NTM: variants seen among roughly 807,000 people sequenced by gnomAD.
NTM encodes neurotrimin.
In NTM, 13 loss-of-function variants were observed where a neutral mutation model predicts 42.1. That is an observed-to-expected ratio of 0.31 (90% CI 0.20 to 0.49). NTM has a LOEUF of 0.49. Among genes scored for constraint, NTM ranks in the 20% least tolerant of loss-of-function variants. The pLI, the probability that NTM is intolerant of heterozygous loss-of-function variation, is 0.99. For synonymous variants in NTM, 187 were observed against 179.2 expected (o/e 1.04, Z -0.35); for missense variants, 373 against 452.8 (o/e 0.82, Z 1.60).
chr11:131,441,119 T>C lies in NTM; in HGVS notation c.82+70231T>C, dbSNP rs979398334. 9.2e-5 allele frequency among the ~76,000 whole-genome samples: 14 copies of C among 152,318 alleles called. No homozygotes were observed. The South Asian group carries it at 2.9e-3, about 32-fold the overall frequency. On this transcript the variant is annotated intron_variant, in intron 1 of 8. Transcript: ENST00000683400. The stretch of plus-strand genomic sequence containing the variant: ...GTTAATCCAGTTCTTCAGGCCACTG[T>C]AATTAGTCATGTCAGGAATTATTTT...
intron 1 of NTM, among the ~76,000 whole-genome samples, chr11:131,550,754 T>A (rs2054558277): frequency 6.6e-6 from 1 of 152,208 alleles, no homozygotes; most frequent in Non-Finnish European, 1.5e-5. Flanking sequence ...GACGATCCTT[T>A]GAGCCCAGGA....
At chr11:131,691,640 C>T (rs2074749163) in intron 1 of NTM, among the ~76,000 whole-genome samples, 1 of 152,000 alleles carries the variant, frequency 6.6e-6, no homozygotes, top group Non-Finnish European at 1.5e-5. Flanking sequence ...GAATATAAAC[C>T]CCACAGCGGG....
chr11:131,719,106 T>C (rs923064812), intron 1 of NTM, among the ~76,000 whole-genome samples: 3 of 152,086 alleles, frequency 2.0e-5, no homozygotes, highest in African/African-American at 7.2e-5. Flanking sequence ...GATGAGGTTT[T>C]GCCATGTCAC....
intron 2 of NTM, among the ~76,000 whole-genome samples, chr11:132,103,572 A>G (rs888257238): frequency 1.6e-4 from 24 of 152,368 alleles, no homozygotes; most frequent in East Asian, 3.9e-4. Flanking sequence ...ATTCAGTTAC[A>G]TATGGCTGGG....
At chr11:131,431,307 C>T (rs1159849512) in intron 1 of NTM, among the ~76,000 whole-genome samples, 3 of 152,114 alleles carry the variant, frequency 2.0e-5, no homozygotes, top group Admixed American at 1.3e-4. Context: ...GTGAGGGCAC[C>T]GGTCCTTGGT....
intron 1 of NTM, chr11:131,794,963 T>C: frequency 1.0e-6 from 1 of 985,024 alleles, no homozygotes; most frequent in South Asian, 4.7e-5. Flanking sequence ...TGTCAGTGCC[T>C]CTCCTCACTG....
intron 1 of NTM, among the ~76,000 whole-genome samples, chr11:131,584,295 C>T (rs1188273415): frequency 6.6e-6 from 1 of 152,194 alleles, no homozygotes. Context: ...ACTTTTATGG[C>T]CGGCTACTAA....
At chr11:131,558,161 G>A (rs1473884026) in intron 1 of NTM, among the ~76,000 whole-genome samples, 1 of 152,134 alleles carries the variant, frequency 6.6e-6, no homozygotes, top group Non-Finnish European at 1.5e-5. Flanking sequence ...GTTGATGTGG[G>A]CCTGTACTGA....
At chr11:132,076,121 G>A (rs1221971560) in intron 2 of NTM, among the ~76,000 whole-genome samples, 1 of 152,142 alleles carries the variant, frequency 6.6e-6, no homozygotes, top group Non-Finnish European at 1.5e-5. Context: ...ACTGTAACCT[G>A]TTTTTAGCAA....
chr11:132,038,492 A>G (rs902475287), intron 2 of NTM, among the ~76,000 whole-genome samples: 1 of 152,124 alleles, frequency 6.6e-6, no homozygotes, highest in Non-Finnish European at 1.5e-5. Flanking sequence ...CAAGTCACAT[A>G]TCCTTTCTAA....
intron 2 of NTM, among the ~76,000 whole-genome samples, chr11:131,920,597 C>G (rs1328464842): frequency 6.6e-6 from 1 of 152,144 alleles, no homozygotes; most frequent in Non-Finnish European, 1.5e-5. Flanking sequence ...CTCATTTATT[C>G]ACATTGTTGA....
At chr11:131,616,778 G>GTGTGTGT (rs1555166353) in intron 1 of NTM, among the ~76,000 whole-genome samples, 12,502 of 141,762 alleles carry the variant, frequency 0.088, 1,142 homozygotes, top group African/African-American at 0.24. Context: ...GTCTTGAGGG[G>GTGTGTGT]GTGTGTGTGT....
At chr11:131,946,403 A>G (rs927310636) in intron 2 of NTM, among the ~76,000 whole-genome samples, 1 of 152,232 alleles carries the variant, frequency 6.6e-6, no homozygotes, top group Non-Finnish European at 1.5e-5. Context: ...ACATTGCCAC[A>G]AGGTCAAATA....
chr11:131,735,537 T>G (rs1310786010), intron 1 of NTM, among the ~76,000 whole-genome samples: 8 of 152,102 alleles, frequency 5.3e-5, no homozygotes, highest in Non-Finnish European at 1.0e-4. Flanking sequence ...CAAAATCAGG[T>G]GGAACAAATA....
chr11:131,598,664 A>G (rs12573954), intron 1 of NTM, among the ~76,000 whole-genome samples: 24,861 of 92,498 alleles, frequency 0.27, 5,597 homozygotes, highest in East Asian at 0.51. Flanking sequence ...AAAGAGAACT[A>G]CTACTCTCTT....
chr11:131,873,118 C>T (rs2047970724), intron 1 of NTM, among the ~76,000 whole-genome samples: 1 of 152,076 alleles, frequency 6.6e-6, no homozygotes, highest in African/African-American at 2.4e-5. Context: ...AACCCAAATG[C>T]CCATCAATGA....
chr11:131,487,080 T>C (rs1954257914), intron 1 of NTM, among the ~76,000 whole-genome samples: 1 of 152,260 alleles, frequency 6.6e-6, no homozygotes, highest in African/African-American at 2.4e-5. Flanking sequence ...TTCCTGCTGC[T>C]GTCTGATCCT....
intron 3 of NTM, among the ~76,000 whole-genome samples, chr11:132,203,618 G>T (rs780643872): frequency 2.6e-5 from 4 of 152,088 alleles, no homozygotes; most frequent in African/African-American, 9.7e-5. Flanking sequence ...AAAACACTGC[G>T]CGGTGGCACA....
intron 1 of NTM, among the ~76,000 whole-genome samples, chr11:131,499,384 C>T (rs1363167799): frequency 2.6e-5 from 4 of 152,078 alleles, no homozygotes; most frequent in Non-Finnish European, 5.9e-5. Flanking sequence ...AGGAACAGTG[C>T]CTGCTCACAC....
Sources: gnomAD v4.1 joint callset for allele counts (sites outside exome capture counted in the v4.1 genomes callset) on GRCh38, gnomAD v4.1.1 for gene constraint, MANE v1.5 for transcripts, NCBI Gene and HGNC (gene_info 2026-07-23, HGNC 2026-07-21) for gene names.